The following PADI1 variants were observed in gnomAD, a reference collection of about 807,000 sequenced individuals.
PADI1 encodes the protein protein-arginine deiminase type-1.
In PADI1, 65 loss-of-function variants were observed where a neutral mutation model predicts 74.8. The observed-to-expected ratio is 0.87, with a 90% CI of 0.71 to 1.07. The LOEUF is 1.07. Among genes scored for constraint, PADI1 ranks in the 50% least tolerant of loss-of-function variants. The pLI is 0.00. For missense variants in PADI1, 943 were observed against 854.0 expected (o/e 1.10, Z -1.30); for synonymous variants, 371 against 336.2 (o/e 1.10, Z -1.13).
At chr1:17,211,068 G>A (rs908493860) in intron 1 of PADI1, among the ~76,000 whole-genome samples, 2 of 152,214 alleles carry the variant, frequency 1.3e-5, no homozygotes, top group Non-Finnish European at 2.9e-5. Flanking sequence ...CTTGGTCAGG[G>A]AGGAGAGTGA....
In PADI1 at chr1:17,230,676, C is replaced by T; in HGVS notation, c.1158C>T (p.Ile386=). The T allele has an allele frequency of 6.3e-7, 1 of 1,588,202 alleles. No individual in the cohort carries two copies. The highest frequency in any genetic ancestry group is 8.6e-7 in the Non-Finnish European group (1 of 1,158,058). The part of the protein sequence containing the change: ...RGLKDFPYKR[I]LGPDFGYVTR... ...TGAAAGATTTCCCCTATAAGAGGAT[C>T]CTGGTACGTAGCGACAGGTAGAGTG... Residue 386 remains isoleucine, a synonymous_variant, in exon 10 of 16, where the codon ATC becomes ATT. Transcript: ENST00000375471.
intron 1 of PADI1, among the ~76,000 whole-genome samples, chr1:17,213,190 C>CATTAGGGAAAAGGAGT (rs1157922006): frequency 1.0e-3 from 10 of 9,618 alleles, no homozygotes; most frequent in African/African-American, 2.8e-3. Context: ...TAATCTCCTA[C>CATTAGGGAAAAGGAGT]CAGGCTGGTA....
chr1:17,215,829 T>C (rs2071962934), intron 1 of PADI1, among the ~76,000 whole-genome samples: 1 of 152,048 alleles, frequency 6.6e-6, no homozygotes, highest in Admixed American at 6.6e-5. Flanking sequence ...AGAAAAAAAA[T>C]CTCTGCATTT....
intron 4 of PADI1, among the ~76,000 whole-genome samples, chr1:17,225,423 G>A (rs1425931292): frequency 1.3e-5 from 2 of 152,182 alleles, no homozygotes; most frequent in Non-Finnish European, 2.9e-5. Flanking sequence ...GGATGGGAAG[G>A]GTCTCCCAAA....
intron 10 of PADI1, among the ~76,000 whole-genome samples, chr1:17,232,182 G>A (rs1052028914): frequency 3.9e-5 from 6 of 151,926 alleles, no homozygotes; most frequent in South Asian, 4.2e-4. Flanking sequence ...TCCTGACCTC[G>A]TGATCCACCC....
At chr1:17,239,653 G>T (rs1292173263) in intron 13 of PADI1, 51 bp from the exon 14 acceptor site, 1 of 1,360,324 alleles carries the variant, frequency 7.4e-7, no homozygotes, top group African/African-American at 1.4e-5. Context: ...GGCTGAAGAC[G>T]GCCTCCAGGC....
rs189392363 is a variant in PADI1 at position 17,240,597 on chromosome 1, T to C, written c.1633-38T>C. On this transcript the variant is annotated intron_variant, in intron 14 of 15. Transcript: ENST00000375471. ...TAGGTGCTTGGCCAGTGTTATGCTC[T>C]TCCTAGTCCTGGGCTGCCCAGCTGC... is the stretch of plus-strand genomic sequence containing the variant. 386 of 1,434,908 alleles carry C rather than the reference T, an allele frequency of 2.7e-4. 1 individual carries two copies. The Admixed American group carries it at 5.7e-3, about 21-fold the overall frequency. The allele number at this position is 1,434,908 out of a possible 1,614,324, so 88.9% of individuals were successfully genotyped here.
intron 10 of PADI1, among the ~76,000 whole-genome samples, chr1:17,231,937 G>GTGTT (rs67734137): frequency 6.6e-6 from 1 of 150,834 alleles, no homozygotes; most frequent in Non-Finnish European, 1.5e-5. Context: ...AAAAAAACAC[G>GTGTT]TGTTTGTTTG....
chr1:17,231,997 G>A lies in PADI1; in HGVS notation c.1162-822G>A, dbSNP rs368350152. On this transcript the variant is annotated intron_variant, in intron 10 of 15. Coordinates refer to ENST00000375471, the MANE Select transcript of PADI1 (RefSeq NM_013358.3). ...ACTGTTGCCTGGGCTGGAGTGCAATGGCGCGATCTTGGCTCACTGCAACCT... is the reference window on the plus strand; with the variant it reads ...ACTGTTGCCTGGGCTGGAGTGCAATAGCGCGATCTTGGCTCACTGCAACCT... 5.4e-4 allele frequency among the ~76,000 whole-genome samples: 82 copies of A among 152,142 alleles called. 1 individual carries two copies. The South Asian group carries it at 0.017, about 31-fold the overall frequency.
intron 1 of PADI1, among the ~76,000 whole-genome samples, chr1:17,210,822 G>T (rs928415616): frequency 6.6e-6 from 1 of 152,154 alleles, no homozygotes; most frequent in Non-Finnish European, 1.5e-5. Flanking sequence ...TGCAGCCAGG[G>T]GACTGGGGGT....
intron 10 of PADI1, among the ~76,000 whole-genome samples, chr1:17,232,305 A>G (rs1359443861): frequency 6.6e-6 from 1 of 152,072 alleles, no homozygotes; most frequent in Non-Finnish European, 1.5e-5. Context: ...CAGTGGTGCA[A>G]TCCTAGCTCA....
At chr1:17,231,176 G>T (rs531376312) in intron 10 of PADI1, among the ~76,000 whole-genome samples, 1 of 152,154 alleles carries the variant, frequency 6.6e-6, no homozygotes, top group African/African-American at 2.4e-5. Context: ...TGAGTTCCAG[G>T]CACTGTCTCC....
At position 17,226,099 on chromosome 1, in the gene PADI1, A is replaced by G. The variant is rs1173073943; in HGVS notation, c.593A>G (p.Lys198Arg). The change falls in exon 6 of 16, where the codon AAG (lysine) becomes AGG (arginine). Residue 198 changes from lysine (K) to arginine (R), a missense_variant. Physicochemically the swap from Lys to Arg is conservative, Grantham distance 26. Transcript: ENST00000375471. The stretch of plus-strand genomic sequence containing the variant: ...CCCGACAAGCTCTTCGACAGCCACA[A>G]GCTTGTCTTGAACGTGCCCTTTTCT... ...NGPDKLFDSH[K>R]LVLNVPFSDS... The G allele has an allele frequency of 1.9e-6, 3 of 1,614,188 alleles. No homozygotes were observed. The highest frequency in any genetic ancestry group is 1.7e-5 in the Admixed American group (1 of 60,024).
intron 1 of PADI1, 128 bp downstream of exon 1, chr1:17,205,437 G>A: frequency 1.3e-6 from 1 of 757,316 alleles, no homozygotes; most frequent in Non-Finnish European, 2.3e-6. Context: ...AGAGAAGGTG[G>A]AGTTGGCTGT....
At position 17,224,405 on chromosome 1, in the gene PADI1, G is replaced by T. The variant is rs770323337; in HGVS notation, c.385G>T (p.Val129Leu). 3.1e-6 allele frequency: 5 copies of T among 1,613,878 alleles called. No homozygotes were observed. The highest frequency in any genetic ancestry group is 4.2e-6 in the Non-Finnish European group (5 of 1,179,946). ...LEVDTGRTGK[V>L]KRSQGDKKTW... ...GGTTGACACAGGCCGCACAGGCAAG[G>T]TGAAGAGGAGCCAAGGGGACAAGGT... The change falls in exon 4 of 16, where the codon GTG becomes TTG. Residue 129 changes from valine (V) to leucine (L), a missense_variant. By Grantham distance (32) the Val-to-Leu change is conservative. Transcript: ENST00000375471.
Position 17,206,426 on chromosome 1 carries a change from A to C in PADI1, c.92+1117A>C, listed in dbSNP as rs559880995. ...GGAAAACCAGGAGCCATGGAAACCA[A>C]ACCTTGACTCTAAGTTGCTGCTGGG... On this transcript the variant is annotated intron_variant, in intron 1 of 15. Coordinates refer to ENST00000375471, the MANE Select transcript of PADI1 (RefSeq NM_013358.3). Among the ~76,000 whole-genome samples, 299 of 152,138 alleles carry C rather than the reference A, an allele frequency of 2.0e-3. 1 individual carries two copies. Among genetic ancestry groups the C allele is most frequent in the African/African-American group, 6.9e-3 (288 of 41,516 alleles).
chr1:17,208,035 T>C (rs190616616), intron 1 of PADI1, among the ~76,000 whole-genome samples: 5 of 152,352 alleles, frequency 3.3e-5, no homozygotes, highest in Middle Eastern at 3.4e-3. Context: ...GGGGTTACAC[T>C]TGATGACAAG....
At chr1:17,223,325 T>A (rs34961969) in intron 2 of PADI1, among the ~76,000 whole-genome samples, 15,394 of 152,142 alleles carry the variant, frequency 0.1, 1,110 homozygotes, top group Admixed American at 0.25. Context: ...TCCTCCCTCA[T>A]CTGCCAGCTG....
At chr1:17,227,846 C>T (rs558079127) in intron 6 of PADI1, among the ~76,000 whole-genome samples, 13 of 152,332 alleles carry the variant, frequency 8.5e-5, no homozygotes, top group Admixed American at 5.9e-4. Context: ...CCTCTCTTGC[C>T]GTGTGCAGCC....
Sources: allele counts gnomAD v4.1 joint callset (sites outside exome capture counted in the v4.1 genomes callset), GRCh38; gene constraint gnomAD v4.1.1; transcripts MANE v1.5; gene names NCBI Gene and HGNC (gene_info 2026-07-23, HGNC 2026-07-21).